The following SNX29 variants were observed in gnomAD, a reference collection of about 807,000 sequenced individuals.
SNX29 encodes sorting nexin 29, also known as sorting nexin-29.
Under a neutral mutation model 102.1 loss-of-function variants are expected in SNX29, and 78 were observed. The ratio of observed to expected loss-of-function variants is 0.76; its 90% CI spans 0.64 to 0.92. The LOEUF is 0.92. Ranked by LOEUF, SNX29 falls within the 40% of genes least tolerant of loss-of-function variation. SNX29 has a pLI of 0.00. For missense variants in SNX29, 1,280 were observed against 1,061.7 expected, an observed-to-expected ratio of 1.21 and a Z score of -2.86; for synonymous variants, 580 against 414.5, an observed-to-expected ratio of 1.40 and a Z score of -4.85.
At chr16:12,231,342 C>T (rs1235784833) in intron 14 of SNX29, among the ~76,000 whole-genome samples, 1 of 152,174 alleles carries the variant, frequency 6.6e-6, no homozygotes, top group African/African-American at 2.4e-5. Flanking sequence ...TAGACACTTT[C>T]TTAAAAACAT....
chr16:12,534,093 C>T (rs915652947), intron 20 of SNX29, among the ~76,000 whole-genome samples: 1 of 152,202 alleles, frequency 6.6e-6, no homozygotes, highest in African/African-American at 2.4e-5. Flanking sequence ...CCACTTGACC[C>T]CAGGGGATCG....
intron 11 of SNX29, among the ~76,000 whole-genome samples, chr16:12,121,801 T>C (rs2053985196): frequency 6.6e-6 from 1 of 152,246 alleles, no homozygotes; most frequent in Non-Finnish European, 1.5e-5. Context: ...TATTTATTCA[T>C]TTATTGTTTA....
chr16:12,134,319 T>C (rs1264598978), intron 13 of SNX29, among the ~76,000 whole-genome samples: 1 of 152,224 alleles, frequency 6.6e-6, no homozygotes. Context: ...CAACAAATAT[T>C]TATGATTCCC....
chr16:12,555,647 C>T (rs1479463722), intron 20 of SNX29, among the ~76,000 whole-genome samples: 1 of 152,042 alleles, frequency 6.6e-6, no homozygotes, highest in African/African-American at 2.4e-5. Context: ...CCCACTGATG[C>T]CAGACCCTGT....
chr16:12,187,998 AG>A (rs1464705499), intron 13 of SNX29, among the ~76,000 whole-genome samples: 1 of 152,196 alleles, frequency 6.6e-6, no homozygotes, highest in East Asian at 1.9e-4. Context: ...AAGAGGACTC[AG>A]TCGTTTGATG....
rs117325885 is a variant in SNX29 at position 12,229,774 on chromosome 16, G to C, written c.1678+30091G>C. Reference sequence around the variant, plus strand: ...GTCAAAAGGGATGAACTGAGCTGACGCTGAGGTTACCTCTGCAGTCCGACC... The same window carrying C: ...GTCAAAAGGGATGAACTGAGCTGACCCTGAGGTTACCTCTGCAGTCCGACC... On this transcript the variant is annotated intron_variant, in intron 14 of 20. Transcript: ENST00000566228. 4.2e-3 allele frequency among the ~76,000 whole-genome samples: 635 copies of C among 152,254 alleles called. 27 individuals are homozygous for C. In the East Asian group the frequency reaches 0.097, roughly 23 times the overall value.
In SNX29 at chr16:12,573,380, C is replaced by G; in HGVS notation, c.*4751C>G. The G allele has an allele frequency of 8.9e-6, 2 of 224,566 alleles. No individual in the cohort carries two copies. Among genetic ancestry groups the G allele is most frequent in the South Asian group, 3.7e-4 (2 of 5,450 alleles). 13.9% of individuals were successfully genotyped at this position (224,566 alleles called of 1,614,324 possible). A position where few individuals can be genotyped will look rare whatever the true frequency, so the allele number is the denominator to read the frequency against. ...AATCCCAGCAACCAAGTTGCGTATC[C>G]TTCCTTATAGCTAGTTTCTATAGAG... On this transcript the variant is annotated 3_prime_UTR_variant, in exon 21 of 21. Transcript: ENST00000566228.
chr16:12,404,970 G>A (rs1005989302), intron 18 of SNX29, among the ~76,000 whole-genome samples: 1 of 152,186 alleles, frequency 6.6e-6, no homozygotes, highest in African/African-American at 2.4e-5. Flanking sequence ...CTTCAGCTGG[G>A]CAACAGTCAT....
chr16:12,565,444 C>T (rs991076226), intron 20 of SNX29, among the ~76,000 whole-genome samples: 8 of 152,084 alleles, frequency 5.3e-5, no homozygotes, highest in African/African-American at 1.2e-4. Flanking sequence ...CCTCACCTGC[C>T]CCCTCCTCAT....
chr16:12,425,933 T>C (rs917653486), intron 18 of SNX29, among the ~76,000 whole-genome samples: 3 of 152,152 alleles, frequency 2.0e-5, no homozygotes, highest in African/African-American at 7.2e-5. Flanking sequence ...CTGGACTCTC[T>C]TGCAGGCAGA....
chr16:12,350,955 A>G (rs2081976198), intron 15 of SNX29, among the ~76,000 whole-genome samples: 1 of 152,184 alleles, frequency 6.6e-6, no homozygotes, highest in Non-Finnish European at 1.5e-5. Flanking sequence ...TGCAGTACAA[A>G]TGAATTGTCC....
intron 20 of SNX29, among the ~76,000 whole-genome samples, chr16:12,528,734 C>G (rs2076853626): frequency 1.3e-5 from 2 of 152,222 alleles, no homozygotes; most frequent in Admixed American, 6.5e-5. Context: ...CTCCCACGGC[C>G]CCTCCATTTG....
At chr16:12,396,344 G>A (rs1169729303) in intron 16 of SNX29, among the ~76,000 whole-genome samples, 1 of 152,210 alleles carries the variant, frequency 6.6e-6, no homozygotes, top group Non-Finnish European at 1.5e-5. Flanking sequence ...ACAGCCAGAT[G>A]TTCTTGTGAT....
chr16:12,168,904 G>C (rs1407206694), intron 13 of SNX29, among the ~76,000 whole-genome samples: 1 of 152,180 alleles, frequency 6.6e-6, no homozygotes, highest in Non-Finnish European at 1.5e-5. Flanking sequence ...CGGAGAGAGG[G>C]CAGAACCTTG....
chr16:12,301,515 C>G (rs2080172804), intron 15 of SNX29, among the ~76,000 whole-genome samples: 1 of 152,272 alleles, frequency 6.6e-6, no homozygotes, highest in South Asian at 2.1e-4. Context: ...CCTTCCCTGG[C>G]AGTCCAGTCT....
At chr16:12,359,341 A>G (rs995794101) in intron 16 of SNX29, among the ~76,000 whole-genome samples, 6 of 151,278 alleles carry the variant, frequency 4.0e-5, no homozygotes, top group African/African-American at 1.5e-4. Flanking sequence ...GTACCTACCA[A>G]TACCTTTTTG....
At chr16:12,534,244 C>A (rs79505161) in intron 20 of SNX29, among the ~76,000 whole-genome samples, 8 of 152,220 alleles carry the variant, frequency 5.3e-5, no homozygotes, top group Non-Finnish European at 7.3e-5. Context: ...CTAGAGATGT[C>A]TGCTCAGTGC....
At chr16:12,408,882 A>T in intron 18 of SNX29, among the ~76,000 whole-genome samples, 1 of 152,266 alleles carries the variant, frequency 6.6e-6, no homozygotes, top group East Asian at 1.9e-4. Flanking sequence ...ATGTGCAGTC[A>T]CAGAGCCCCC....
rs2057412243 is a variant in SNX29, at chr16:12,034,091, A to G, written c.247+6647A>G. ...CGGTGGTAATATACCCATAACTGTA[A>G]AATGAGAGAGACCGACTTCCTTGAT... On this transcript the variant is annotated intron_variant, in intron 4 of 20. Transcript: ENST00000566228. 3.3e-5 allele frequency among the ~76,000 whole-genome samples: 5 copies of G among 152,318 alleles called. No homozygotes were observed. In the South Asian group the frequency reaches 1.0e-3, roughly 32 times the overall value.
Sources: gnomAD v4.1 joint callset for allele counts (sites outside exome capture counted in the v4.1 genomes callset) on GRCh38, gnomAD v4.1.1 for gene constraint, MANE v1.5 for transcripts, NCBI Gene and HGNC (gene_info 2026-07-23, HGNC 2026-07-21) for gene names.